DTWD2: variants seen among roughly 807,000 people sequenced by gnomAD.
DTWD2 encodes the protein tRNA-uridine aminocarboxypropyltransferase 2.
In DTWD2, 39 loss-of-function variants were observed where a neutral mutation model predicts 31.8. The observed-to-expected ratio is 1.22, with a 90% confidence interval of 0.95 to 1.60. The LOEUF is 1.60. Among genes scored for constraint, DTWD2 ranks in the 40% most tolerant of loss-of-function variants. DTWD2 has a pLI of 0.00. For missense variants in DTWD2, 515 were observed against 381.5 expected, an observed-to-expected ratio of 1.35 and a Z score of -2.92; for synonymous variants, 180 against 142.8, an observed-to-expected ratio of 1.26 and a Z score of -1.86.
chr5:118,961,330 GCTTT>G (rs765515221), intron 1 of DTWD2, among the ~76,000 whole-genome samples: 3 of 151,982 alleles, frequency 2.0e-5, no homozygotes, highest in Non-Finnish European at 4.4e-5. Context: ...ATAGCAAACA[GCTTT>G]CTTAACAGCA....
chr5:118,971,324 G>A (rs539138071), intron 1 of DTWD2, among the ~76,000 whole-genome samples: 1 of 151,968 alleles, frequency 6.6e-6, no homozygotes, highest in Non-Finnish European at 1.5e-5. Flanking sequence ...AAAAATGCAG[G>A]GGTCACAATT....
intron 3 of DTWD2, among the ~76,000 whole-genome samples, chr5:118,929,048 A>G (rs1313396816): frequency 6.6e-6 from 1 of 152,182 alleles, no homozygotes; most frequent in Non-Finnish European, 1.5e-5. Flanking sequence ...CTAATACTTC[A>G]TGTGTAATCT....
At chr5:118,882,460 C>T (rs1404196704) in intron 4 of DTWD2, among the ~76,000 whole-genome samples, 1 of 152,236 alleles carries the variant, frequency 6.6e-6, no homozygotes, top group East Asian at 1.9e-4. Context: ...CTCCACTAGG[C>T]AGTGCTCCAC....
At chr5:118,867,802 T>C (rs1266326133) in intron 4 of DTWD2, among the ~76,000 whole-genome samples, 4 of 152,184 alleles carry the variant, frequency 2.6e-5, no homozygotes, top group Non-Finnish European at 4.4e-5. Flanking sequence ...TACCCCATGT[T>C]CATGGGTTAA....
chr5:118,969,105 G>T (rs1037554714), intron 1 of DTWD2, among the ~76,000 whole-genome samples: 8 of 151,860 alleles, frequency 5.3e-5, no homozygotes, highest in Non-Finnish European at 8.8e-5. Context: ...ACTAGGTGGG[G>T]CTTCCCTGCA....
rs995531704 is a variant in DTWD2 at position 118,972,075 on chromosome 5, A to G, written c.218+16219T>C. On this transcript the variant is annotated intron_variant, in intron 1 of 5. Coordinates refer to ENST00000510708, the MANE Select transcript of DTWD2 (RefSeq NM_173666.4). ...CAACTAAAAGAACTAGAGAAACAAGACCAAACAAACTCCAAAGCTAGCAGA... is the reference window on the plus strand; with the variant it reads ...CAACTAAAAGAACTAGAGAAACAAGGCCAAACAAACTCCAAAGCTAGCAGA... Among the ~76,000 whole-genome samples, 3 of 152,222 alleles carry G rather than the reference A, an allele frequency of 2.0e-5. No homozygotes were observed. The East Asian group carries it at 5.8e-4, about 29-fold the overall frequency.
intron 4 of DTWD2, among the ~76,000 whole-genome samples, chr5:118,904,916 C>G (rs1467730275): frequency 6.6e-6 from 1 of 152,004 alleles, no homozygotes. Context: ...TCTGAATAGG[C>G]AGGAAGCAGA....
At chr5:118,941,267 G>A (rs986345038) in intron 2 of DTWD2, among the ~76,000 whole-genome samples, 14 of 152,086 alleles carry the variant, frequency 9.2e-5, no homozygotes, top group Non-Finnish European at 1.3e-4. Context: ...ATGTTGGTGT[G>A]CTGCACCCAT....
At chr5:118,970,550 A>T (rs892961759) in intron 1 of DTWD2, among the ~76,000 whole-genome samples, 7 of 152,234 alleles carry the variant, frequency 4.6e-5, no homozygotes, top group Admixed American at 4.6e-4. Flanking sequence ...ATTGGAAACA[A>T]GTGGGAAAAC....
At chr5:118,896,522 T>C (rs955888232) in intron 4 of DTWD2, among the ~76,000 whole-genome samples, 6 of 151,640 alleles carry the variant, frequency 4.0e-5, no homozygotes, top group African/African-American at 1.2e-4. Context: ...AGATGTAACA[T>C]GTTAATAAAA....
At chr5:118,941,067 A>G in intron 2 of DTWD2, among the ~76,000 whole-genome samples, 1 of 151,884 alleles carries the variant, frequency 6.6e-6, no homozygotes, top group Non-Finnish European at 1.5e-5. Flanking sequence ...CATATCATCT[A>G]CTCCACCAAG....
intron 1 of DTWD2, chr5:118,973,795 C>G: frequency 6.2e-7 from 1 of 1,611,900 alleles, no homozygotes; most frequent in Non-Finnish European, 8.5e-7. Context: ...CGTGCCCCAC[C>G]ATGTCAGACG....
intron 4 of DTWD2, among the ~76,000 whole-genome samples, chr5:118,848,921 C>T (rs1458533984): frequency 6.6e-6 from 1 of 152,160 alleles, no homozygotes; most frequent in Non-Finnish European, 1.5e-5. Flanking sequence ...TCCATAAAAA[C>T]CCTAGAAGAA....
intron 4 of DTWD2, among the ~76,000 whole-genome samples, chr5:118,887,596 C>A (rs1752894538): frequency 6.6e-6 from 1 of 152,120 alleles, no homozygotes; most frequent in African/African-American, 2.4e-5. Context: ...GGTTGAACTT[C>A]TAGATGTTTT....
At chr5:118,970,043 G>A (rs1200343867) in intron 1 of DTWD2, among the ~76,000 whole-genome samples, 1 of 152,142 alleles carries the variant, frequency 6.6e-6, no homozygotes, top group African/African-American at 2.4e-5. Context: ...GCAATCACAA[G>A]TATCAACAGC....
At chr5:118,948,952 T>C (rs928647681) in intron 1 of DTWD2, among the ~76,000 whole-genome samples, 1 of 152,090 alleles carries the variant, frequency 6.6e-6, no homozygotes, top group Non-Finnish European at 1.5e-5. Flanking sequence ...TGTTGCTTTG[T>C]AGAAGGGGTT....
intron 5 of DTWD2, among the ~76,000 whole-genome samples, chr5:118,843,629 TATTTTATGAC>T (rs1751778585): frequency 6.6e-6 from 1 of 152,228 alleles, no homozygotes; most frequent in South Asian, 2.1e-4. Flanking sequence ...ATTCTATTGA[TATTTTATGAC>T]ATTTATTATA....
At chr5:118,907,561 T>A (rs890275515) in intron 4 of DTWD2, among the ~76,000 whole-genome samples, 1 of 151,922 alleles carries the variant, frequency 6.6e-6, no homozygotes, top group African/African-American at 2.4e-5. Context: ...TGAAACTCCA[T>A]CTCTACTAAA....
chr5:118,972,743 G>C (rs1755015882), intron 1 of DTWD2, among the ~76,000 whole-genome samples: 1 of 152,170 alleles, frequency 6.6e-6, no homozygotes, highest in Non-Finnish European at 1.5e-5. Flanking sequence ...CTGGCAAACT[G>C]ATTCCAGCAG....
Sources: allele counts gnomAD v4.1 joint callset (sites outside exome capture counted in the v4.1 genomes callset), GRCh38; gene constraint gnomAD v4.1.1; transcripts MANE v1.5; gene names NCBI Gene and HGNC (gene_info 2026-07-23, HGNC 2026-07-21).